The following CTDP1 variants were observed in gnomAD, a reference collection of about 807,000 sequenced individuals.
The protein encoded by CTDP1 is RNA polymerase II subunit A C-terminal domain phosphatase.
A neutral mutation model predicts 91.8 loss-of-function variants in CTDP1; 47 were observed. The ratio of observed to expected loss-of-function variants is 0.51; its 90% CI spans 0.41 to 0.65. CTDP1 has a LOEUF of 0.65. Ranked by LOEUF, CTDP1 falls within the 30% of genes least tolerant of loss-of-function variation. The pLI is 0.00. For synonymous variants in CTDP1, 656 were observed against 598.5 expected (o/e 1.10, Z -1.40); for missense variants, 1,272 against 1,373.7 (o/e 0.93, Z 1.17).
At position 79,714,718 on chromosome 18, in the gene CTDP1, G is replaced by A; in HGVS notation, c.1258G>A (p.Ala420Thr). The A allele has an allele frequency of 6.2e-7, 1 of 1,605,466 alleles. No individual in the cohort carries two copies. The highest frequency in any genetic ancestry group is 8.5e-7 in the Non-Finnish European group (1 of 1,176,624). ...GGCCCCCACCAGCAGCCAAGAGCTG[G>A]CAGGCGCTCCTGAGCCCCAGGGATC... is the stretch of plus-strand genomic sequence containing the variant. ...AQAPTSSQELAGAPEPQGSCA... is the reference protein window; with the variant it reads ...AQAPTSSQELTGAPEPQGSCA... Residue 420 changes from alanine (A) to threonine (T), a missense_variant, in exon 8 of 13, where the codon GCA becomes ACA. Physicochemically the swap from Ala to Thr is moderately conservative, Grantham distance 58. Transcript: ENST00000613122.
intron 8 of CTDP1, 123 bp from the exon 9 acceptor site, chr18:79,717,412 G>C (rs1428704746): frequency 2.1e-6 from 3 of 1,404,350 alleles, no homozygotes; most frequent in East Asian, 4.7e-5. Context: ...GGATGCAGCC[G>C]AGTGAGGGCC....
chr18:79,711,679 T>G (rs1307111753), intron 6 of CTDP1, among the ~76,000 whole-genome samples: 1 of 152,208 alleles, frequency 6.6e-6, no homozygotes, highest in African/African-American at 2.4e-5. Flanking sequence ...TACAAAATCC[T>G]AAGTCACTTG....
At chr18:79,726,165 G>A (rs962817632) in intron 10 of CTDP1, among the ~76,000 whole-genome samples, 10 of 152,192 alleles carry the variant, frequency 6.6e-5, no homozygotes, top group Non-Finnish European at 1.2e-4. Context: ...TCTCTAAGCT[G>A]TGTTCTTTTT....
At chr18:79,738,292 G>C (rs1369244906) in intron 12 of CTDP1, among the ~76,000 whole-genome samples, 1 of 152,230 alleles carries the variant, frequency 6.6e-6, no homozygotes, top group Admixed American at 6.5e-5. Context: ...CCGCCTGTTA[G>C]ACAGGATGTG....
chr18:79,698,869 G>A (rs958707797), intron 4 of CTDP1, among the ~76,000 whole-genome samples: 6 of 152,306 alleles, frequency 3.9e-5, no homozygotes, highest in Admixed American at 1.3e-4. Flanking sequence ...GAATGCCGGG[G>A]CGTGGTACCA....
At position 79,680,014 on chromosome 18, in the gene CTDP1, C is replaced by A; in HGVS notation, c.67C>A (p.Arg23Ser). 7.7e-7 allele frequency: 1 copy of A among 1,292,394 alleles called. No individual in the cohort carries two copies. Among genetic ancestry groups the A allele is most frequent in the Non-Finnish European group, 9.8e-7 (1 of 1,022,820 alleles). The allele number at this position is 1,292,394 out of a possible 1,614,324, so 80.1% of individuals were successfully genotyped here. ...GAPTAAVAEV[R>S]CPGPAPLRLL... ...CCCGACGGCGGCTGTGGCCGAGGTG[C>A]GCTGCCCGGGGCCCGCGCCGCTGCG... Residue 23 changes from arginine to serine, a missense_variant, in exon 1 of 13, where the codon CGC (arginine) becomes AGC (serine). Arg to Ser is a moderately radical substitution (Grantham distance 110, BLOSUM62 -1). Coordinates refer to ENST00000613122, the MANE Select transcript of CTDP1 (RefSeq NM_004715.5).
chr18:79,694,624 G>A (rs1028196508), intron 1 of CTDP1, among the ~76,000 whole-genome samples: 5 of 127,276 alleles, frequency 3.9e-5, no homozygotes, highest in African/African-American at 8.6e-5. Context: ...CCCGGCTGGG[G>A]TGGGAGTGTG....
At chr18:79,702,031 A>G (rs1322605479) in intron 4 of CTDP1, among the ~76,000 whole-genome samples, 1 of 152,236 alleles carries the variant, frequency 6.6e-6, no homozygotes, top group Non-Finnish European at 1.5e-5. Flanking sequence ...ACCAAAAAGG[A>G]TTTGGAAGAT....
At chr18:79,679,332 T>A (rs546205462), upstream of CTDP1, 4 of 442,512 alleles carry the variant, frequency 9.0e-6, no homozygotes, top group African/African-American at 2.0e-5. Flanking sequence ...CAGCCTCACG[T>A]CTCTGGGCCC....
intron 10 of CTDP1, among the ~76,000 whole-genome samples, chr18:79,718,237 C>G (rs61033772): frequency 6.6e-6 from 1 of 152,188 alleles, no homozygotes; most frequent in African/African-American, 2.4e-5. Flanking sequence ...AACAAAACCC[C>G]GACCATCAGC....
At chr18:79,719,324 G>T (rs773298808) in intron 10 of CTDP1, among the ~76,000 whole-genome samples, 2 of 152,156 alleles carry the variant, frequency 1.3e-5, no homozygotes, top group Non-Finnish European at 2.9e-5. Context: ...ATGTGGGCAG[G>T]TGCAGGGTGG....
chr18:79,696,173 TC>T, intron 3 of CTDP1, 103 bp downstream of exon 3: 1 of 934,918 alleles, frequency 1.1e-6, no homozygotes, highest in Non-Finnish European at 1.7e-6. Flanking sequence ...GTGGTTGTCA[TC>T]GTCGTTACTG....
chr18:79,682,632 T>A (rs988276266), intron 1 of CTDP1, among the ~76,000 whole-genome samples: 1 of 152,214 alleles, frequency 6.6e-6, no homozygotes, highest in African/African-American at 2.4e-5. Flanking sequence ...CGCCCAACAC[T>A]GTTTGCTGGG....
intron 1 of CTDP1, among the ~76,000 whole-genome samples, chr18:79,693,698 C>CCCGCA (rs937360475): frequency 2.0e-5 from 3 of 152,158 alleles, no homozygotes; most frequent in African/African-American, 7.2e-5. Flanking sequence ...GGCTCGGAGC[C>CCCGCA]CCGCACCGTG....
At chr18:79,685,896 T>C (rs2085483586) in intron 1 of CTDP1, among the ~76,000 whole-genome samples, 1 of 152,248 alleles carries the variant, frequency 6.6e-6, no homozygotes, top group South Asian at 2.1e-4. Context: ...TTATTTAGAA[T>C]ACTTTTATTC....
Position 79,704,887 on chromosome 18 carries a change from G to A in CTDP1, c.742G>A (p.Gly248Ser), listed in dbSNP as rs1253336959. Residue 248 changes from glycine to serine, a missense_variant, in exon 5 of 13, where the codon GGC becomes AGC. Gly to Ser is a moderately conservative substitution (Grantham distance 56, BLOSUM62 0). Coordinates refer to ENST00000613122, the MANE Select transcript of CTDP1 (RefSeq NM_004715.5). Reference sequence around the variant, plus strand: ...GTACGAGCTGCACGTCTTCACCTTCGGCAGCCGGCTGTACGCACACACCAT... The same window carrying A: ...GTACGAGCTGCACGTCTTCACCTTCAGCAGCCGGCTGTACGCACACACCAT... ...KLYELHVFTF[G>S]SRLYAHTIAG... 3.6e-5 allele frequency: 58 copies of A among 1,613,436 alleles called. No individual in the cohort carries two copies. Among genetic ancestry groups the A allele is most frequent in the Non-Finnish European group, 4.6e-5 (54 of 1,180,046 alleles).
chr18:79,687,253 T>A, intron 1 of CTDP1, among the ~76,000 whole-genome samples: 1 of 107,930 alleles, frequency 9.3e-6, no homozygotes, highest in African/African-American at 3.8e-5. Context: ...GTTGGCTTCG[T>A]CAGTTCACTG....
intron 11 of CTDP1, among the ~76,000 whole-genome samples, chr18:79,731,460 C>T (rs760056739): frequency 7.2e-5 from 11 of 152,160 alleles, no homozygotes; most frequent in East Asian, 3.9e-4. Context: ...TTTGGGAACT[C>T]GCGCCTGGTC....
At chr18:79,683,789 G>A (rs971216637) in intron 1 of CTDP1, among the ~76,000 whole-genome samples, 2 of 152,332 alleles carry the variant, frequency 1.3e-5, no homozygotes, top group Non-Finnish European at 2.9e-5. Flanking sequence ...TTTCCCGAGG[G>A]TGTTGTTGAG....
Sources: gnomAD v4.1 joint callset for allele counts (sites outside exome capture counted in the v4.1 genomes callset) on GRCh38, gnomAD v4.1.1 for gene constraint, MANE v1.5 for transcripts, NCBI Gene and HGNC (gene_info 2026-07-23, HGNC 2026-07-21) for gene names.